SLC27A6: variants seen among roughly 807,000 people sequenced by gnomAD.
SLC27A6 encodes solute carrier family 27 member 6.
A neutral mutation model predicts 63.9 loss-of-function variants in SLC27A6; 74 were observed. That is an observed-to-expected ratio of 1.16 (90% confidence interval 0.96 to 1.40). SLC27A6 has a LOEUF of 1.40. Ranked by LOEUF, SLC27A6 falls within the 40% of genes most tolerant of loss-of-function variation. The probability of loss-of-function intolerance (pLI) is 0.00; values close to 1 mark genes in which losing one functional copy is unlikely to be tolerated. For missense variants in SLC27A6, 794 were observed against 732.9 expected (o/e 1.08, Z -0.96); for synonymous variants, 287 against 260.8 (o/e 1.10, Z -0.97).
At chr5:128,969,614 T>G (rs538598594) in intron 1 of SLC27A6, among the ~76,000 whole-genome samples, 1 of 152,186 alleles carries the variant, frequency 6.6e-6, no homozygotes, top group Admixed American at 6.5e-5. Context: ...CACATTGATT[T>G]TCTGTCCTGA....
chr5:129,013,539 A>G (rs1240425750), intron 4 of SLC27A6, among the ~76,000 whole-genome samples: 1 of 152,002 alleles, frequency 6.6e-6, no homozygotes, highest in Non-Finnish European at 1.5e-5. Context: ...TTTGGAAATG[A>G]TGTTTCTATT....
At chr5:129,016,358 T>C (rs1362502318) in intron 5 of SLC27A6, among the ~76,000 whole-genome samples, 3 of 132,808 alleles carry the variant, frequency 2.3e-5, no homozygotes, top group African/African-American at 8.6e-5. Flanking sequence ...ATTGCGCCAC[T>C]GTACTCCAGC....
In SLC27A6 at chr5:129,029,672, C is replaced by T; in HGVS notation, c.1648C>T (p.Pro550Ser). 1.2e-6 allele frequency: 2 copies of T among 1,602,254 alleles called. No individual in the cohort carries two copies. The highest frequency in any genetic ancestry group is 8.5e-7 in the Non-Finnish European group (1 of 1,176,068). ...KVYEQVVTFL[P>S]AYACPRFLRI... ...TTATGAACAAGTTGTAACATTTCTA[C>T]CAGCTTATGCTTGTCCACGATTTTT... Residue 550 changes from proline (P) to serine (S), a missense_variant, in exon 9 of 10, where the codon CCA becomes TCA. Transcript: ENST00000262462.
chr5:129,016,395 C>CACAAAA (rs1751895930), intron 5 of SLC27A6, among the ~76,000 whole-genome samples: 1 of 64,722 alleles, frequency 1.5e-5, no homozygotes, highest in Admixed American at 1.9e-4. Context: ...GACTCTGTCT[C>CACAAAA]AAAAAAAAAA....
chr5:128,970,689 T>C (rs1010287825), intron 1 of SLC27A6, among the ~76,000 whole-genome samples: 3 of 152,152 alleles, frequency 2.0e-5, no homozygotes, highest in Non-Finnish European at 4.4e-5. Context: ...ACCAATTTTG[T>C]TGATCGTTTC....
intron 8 of SLC27A6, 142 bp from the exon 9 acceptor site, chr5:129,029,435 T>C (rs1282560501): frequency 5.2e-6 from 3 of 581,840 alleles, no homozygotes; most frequent in Non-Finnish European, 8.8e-6. Context: ...CAGGGAAGGA[T>C]ACAGACTAGT....
intron 1 of SLC27A6, among the ~76,000 whole-genome samples, chr5:128,969,023 C>T (rs1750029835): frequency 2.0e-5 from 3 of 152,234 alleles, no homozygotes; most frequent in Middle Eastern, 3.4e-3. Flanking sequence ...AATAGGGAAT[C>T]GTTTCCCCAT....
chr5:128,982,627 AAG>A (rs1169885848), intron 1 of SLC27A6, among the ~76,000 whole-genome samples: 5 of 152,218 alleles, frequency 3.3e-5, no homozygotes, highest in Admixed American at 1.3e-4. Flanking sequence ...AAACCTGAGA[AAG>A]AGTCATTACA....
chr5:129,023,923 T>C (rs1580747334), intron 6 of SLC27A6, among the ~76,000 whole-genome samples: 2 of 152,260 alleles, frequency 1.3e-5, no homozygotes, highest in East Asian at 1.9e-4. Context: ...TAATACATAA[T>C]ACAATGTAAA....
chr5:129,017,450 A>G (rs865987135), intron 5 of SLC27A6, among the ~76,000 whole-genome samples: 3 of 152,124 alleles, frequency 2.0e-5, no homozygotes, highest in South Asian at 4.1e-4. Context: ...TGAAAATTGG[A>G]TGGAGCTCAG....
intron 1 of SLC27A6, among the ~76,000 whole-genome samples, chr5:128,975,175 A>T (rs1580702395): frequency 6.6e-6 from 1 of 152,076 alleles, no homozygotes; most frequent in Admixed American, 6.6e-5. Context: ...ACATGGCAAA[A>T]CCCCGTCTCT....
At chr5:129,010,040 G>T (rs1751677945) in intron 4 of SLC27A6, among the ~76,000 whole-genome samples, 2 of 152,114 alleles carry the variant, frequency 1.3e-5, no homozygotes, top group Admixed American at 6.5e-5. Context: ...ATTTTTTAAA[G>T]GCGTCCCTGC....
rs1751791154 is a variant in SLC27A6 at position 129,013,449 on chromosome 5, T to C, written c.970-2436T>C. Among the ~76,000 whole-genome samples the C allele has an allele frequency of 2.0e-5, 3 of 152,178 alleles. No homozygotes were observed. The South Asian group carries it at 6.2e-4, about 32-fold the overall frequency. The stretch of plus-strand genomic sequence containing the variant: ...TGCTAGGTTGACAATTATTTTCTTG[T>C]ACTAGCTTTAAAATATTATATTGTC... On this transcript the variant is annotated intron_variant, in intron 4 of 9. Coordinates refer to ENST00000262462, the MANE Select transcript of SLC27A6 (RefSeq NM_001017372.3).
chr5:129,028,293 C>G, intron 7 of SLC27A6, 52 bp from the exon 8 acceptor site: 1 of 1,195,156 alleles, frequency 8.4e-7, no homozygotes, highest in Non-Finnish European at 1.2e-6. Flanking sequence ...AACTGGGTAC[C>G]TAGTTTTTCA....
At chr5:129,010,082 C>G (rs900746338) in intron 4 of SLC27A6, among the ~76,000 whole-genome samples, 1 of 152,114 alleles carries the variant, frequency 6.6e-6, no homozygotes, top group Non-Finnish European at 1.5e-5. Flanking sequence ...CACTGTCCTC[C>G]CAAATGTGAA....
chr5:128,971,704 G>C (rs1750171698), intron 1 of SLC27A6, among the ~76,000 whole-genome samples: 1 of 152,044 alleles, frequency 6.6e-6, no homozygotes, highest in African/African-American at 2.4e-5. Flanking sequence ...GATGGGTCTT[G>C]ACTCTTTATC....
At position 129,027,248 on chromosome 5, in the gene SLC27A6, T is replaced by A. The variant is rs1156536904; in HGVS notation, c.1371T>A (p.Asp457Glu). 4 of 1,613,240 alleles carry A rather than the reference T, an allele frequency of 2.5e-6. No individual in the cohort carries two copies. In the Admixed American group the frequency reaches 5.0e-5, roughly 20 times the overall value. Residue 457 changes from aspartate (D) to glutamate (E), a missense_variant, in exon 7 of 10, where the codon GAT (aspartate) becomes GAA (glutamate). Physicochemically the swap from Asp to Glu is conservative, Grantham distance 45. Coordinates refer to ENST00000262462, the MANE Select transcript of SLC27A6 (RefSeq NM_001017372.3). ...TTTGTGATGTTTTTAAGAAGGGAGATGTTTACCTTAATACTGGAGACTTAA... is the reference window on the plus strand; with the variant it reads ...TTTGTGATGTTTTTAAGAAGGGAGAAGTTTACCTTAATACTGGAGACTTAA... ...KLLCDVFKKG[D>E]VYLNTGDLIV... is the part of the protein sequence containing the mutation.
chr5:128,973,578 C>T (rs1750268889), intron 1 of SLC27A6, among the ~76,000 whole-genome samples: 1 of 152,202 alleles, frequency 6.6e-6, no homozygotes, highest in Non-Finnish European at 1.5e-5. Flanking sequence ...ACCCACCAAG[C>T]CAGGCACGGG....
At chr5:128,984,559 A>G (rs1395762516) in intron 1 of SLC27A6, among the ~76,000 whole-genome samples, 1 of 152,158 alleles carries the variant, frequency 6.6e-6, no homozygotes, top group Non-Finnish European at 1.5e-5. Context: ...TGAATTGTAA[A>G]CATTGTACCC....
Sources: gnomAD v4.1 joint callset for allele counts (sites outside exome capture counted in the v4.1 genomes callset) on GRCh38, gnomAD v4.1.1 for gene constraint, MANE v1.5 for transcripts, NCBI Gene and HGNC (gene_info 2026-07-23, HGNC 2026-07-21) for gene names.